Variants in CELF5 observed in about 807,000 individuals in gnomAD.
CELF5 encodes the protein CUGBP Elav-like family member 5.
CELF5 carries 6 observed loss-of-function variants against 54.9 expected under a neutral mutation model. The ratio of observed to expected loss-of-function variants is 0.11; its 90% confidence interval spans 0.06 to 0.22. The LOEUF is 0.22. Ranked by LOEUF, CELF5 falls within the 10% of genes least tolerant of loss-of-function variation. CELF5 has a pLI of 1.00. For missense variants in CELF5, 401 were observed against 678.6 expected (o/e 0.59, Z 4.54); for synonymous variants, 271 against 290.9 (o/e 0.93, Z 0.70).
chr19:3,251,107 A>T, intron 2 of CELF5, 40 bp downstream of exon 2: 42 of 1,411,026 alleles, frequency 3.0e-5, no homozygotes, highest in Non-Finnish European at 4.0e-5. Flanking sequence ...GGGACAGGGG[A>T]TGGCTCTCAG....
chr19:3,261,559 C>T (rs767507841), intron 2 of CELF5, among the ~76,000 whole-genome samples: 2 of 152,164 alleles, frequency 1.3e-5, no homozygotes, highest in Non-Finnish European at 2.9e-5. Flanking sequence ...GGTTCTCACA[C>T]CTGTAATCCC....
chr19:3,257,729 G>T (rs1304806468), intron 2 of CELF5, among the ~76,000 whole-genome samples: 1 of 151,820 alleles, frequency 6.6e-6, no homozygotes, highest in Non-Finnish European at 1.5e-5. Context: ...GCCTGCCTCG[G>T]ACTCCCAAAG....
intron 8 of CELF5, among the ~76,000 whole-genome samples, chr19:3,284,509 G>T (rs1343502044): frequency 1.3e-5 from 2 of 152,148 alleles, no homozygotes; most frequent in Non-Finnish European, 2.9e-5. Context: ...GGAAACTCAT[G>T]TGGAGAGGGA....
At chr19:3,252,477 G>A (rs1399625137) in intron 2 of CELF5, among the ~76,000 whole-genome samples, 1 of 152,172 alleles carries the variant, frequency 6.6e-6, no homozygotes, top group Non-Finnish European at 1.5e-5. Flanking sequence ...GAACCACAGT[G>A]AGCCACGGCG....
At chr19:3,259,131 G>C (rs1401162259) in intron 2 of CELF5, among the ~76,000 whole-genome samples, 1 of 152,140 alleles carries the variant, frequency 6.6e-6, no homozygotes, top group Non-Finnish European at 1.5e-5. Context: ...GTGGAGATGG[G>C]GGTGAGTGGG....
intron 1 of CELF5, among the ~76,000 whole-genome samples, chr19:3,227,509 C>G (rs1341103323): frequency 6.6e-6 from 1 of 151,942 alleles, no homozygotes; most frequent in Non-Finnish European, 1.5e-5. Context: ...CCCTGGATGC[C>G]CGGCGGGGCC....
At chr19:3,236,539 G>A (rs951063713) in intron 1 of CELF5, among the ~76,000 whole-genome samples, 2 of 152,154 alleles carry the variant, frequency 1.3e-5, no homozygotes, top group Non-Finnish European at 2.9e-5. Context: ...CAAAGGGGTT[G>A]AGATGGGAGG....
chr19:3,280,459 C>T (rs1014707524), intron 5 of CELF5, among the ~76,000 whole-genome samples: 22 of 152,036 alleles, frequency 1.4e-4, no homozygotes, highest in African/African-American at 5.1e-4. Context: ...CCTGTAATCC[C>T]AGCTACTCAA....
Position 3,268,898 on chromosome 19 carries a change from G to A in CELF5, c.343-4974G>A, listed in dbSNP as rs2079919653. On this transcript the variant is annotated intron_variant, in intron 2 of 12. Transcript: ENST00000292672. The surrounding 1 kb of genome is among the most constrained non-coding windows in gnomAD (Gnocchi z 4.4). ...CATTCTGTCACCAGCCACGTTCAGG[G>A]GGCCATGGCAGGAGGAGCGGGGAGG... 6.6e-6 allele frequency among the ~76,000 whole-genome samples: 1 copy of A among 152,056 alleles called. No homozygotes were observed. The highest frequency in any genetic ancestry group is 1.5e-5 in the Non-Finnish European group (1 of 68,002).
At chr19:3,284,211 T>C (rs1432525684) in intron 8 of CELF5, among the ~76,000 whole-genome samples, 1 of 151,948 alleles carries the variant, frequency 6.6e-6, no homozygotes, top group East Asian at 1.9e-4. Context: ...GGGCGGTTAA[T>C]TGCCATTTTG....
At chr19:3,262,582 C>T (rs1210782951) in intron 2 of CELF5, among the ~76,000 whole-genome samples, 1 of 152,078 alleles carries the variant, frequency 6.6e-6, no homozygotes. Context: ...ATATTCTAGA[C>T]CCAGGGTCTG....
chr19:3,262,319 G>A (rs887409600), intron 2 of CELF5, among the ~76,000 whole-genome samples: 8 of 152,130 alleles, frequency 5.3e-5, no homozygotes, highest in Admixed American at 3.3e-4. Flanking sequence ...ATGAGCCACC[G>A]CGCCCGGCCA....
At chr19:3,229,714 T>C (rs1409666598) in intron 1 of CELF5, among the ~76,000 whole-genome samples, 2 of 151,716 alleles carry the variant, frequency 1.3e-5, no homozygotes, top group Non-Finnish European at 2.9e-5. Context: ...GGGCACAGAG[T>C]ATGTGCTTGG....
At chr19:3,272,232 A>AT (rs2079978440) in intron 2 of CELF5, among the ~76,000 whole-genome samples, 1 of 151,996 alleles carries the variant, frequency 6.6e-6, no homozygotes, top group Admixed American at 6.6e-5. Flanking sequence ...AGCTGGGCGT[A>AT]TTGGTGCGTG....
chr19:3,251,113 C>T, intron 2 of CELF5, 46 bp downstream of exon 2: 1 of 1,458,420 alleles, frequency 6.9e-7, no homozygotes, highest in Non-Finnish European at 9.6e-7. Context: ...GGGGATGGCT[C>T]TCAGCCTGGG....
chr19:3,263,249 A>AC (rs2079831531), intron 2 of CELF5, among the ~76,000 whole-genome samples: 2 of 134,016 alleles, frequency 1.5e-5, no homozygotes, highest in African/African-American at 5.7e-5. Flanking sequence ...TCTGTCTCAA[A>AC]AAAAAAAAAA....
intron 1 of CELF5, among the ~76,000 whole-genome samples, chr19:3,230,677 G>C (rs1288738754): frequency 1.3e-5 from 2 of 152,178 alleles, no homozygotes; most frequent in Non-Finnish European, 2.9e-5. Context: ...TGGGAAGCGG[G>C]CTTCACATCC....
intron 11 of CELF5, 78 bp from the exon 12 acceptor site, chr19:3,293,241 G>A: frequency 6.3e-7 from 1 of 1,579,390 alleles, no homozygotes; most frequent in South Asian, 1.2e-5. Context: ...CGTGAGCCGG[G>A]AAGCCAGGGC....
chr19:3,225,692 G>T, intron 1 of CELF5: 1 of 677,316 alleles, frequency 1.5e-6, no homozygotes, highest in Non-Finnish European at 1.8e-6. Flanking sequence ...CTCGGGTGGC[G>T]GAGAGGCTCC....
Sources: gnomAD v4.1 joint callset for allele counts (sites outside exome capture counted in the v4.1 genomes callset) on GRCh38, gnomAD v4.1.1 for gene constraint, Gnocchi (gnomAD v3.1) non-coding constraint, MANE v1.5 for transcripts, NCBI Gene and HGNC (gene_info 2026-07-23, HGNC 2026-07-21) for gene names.